TCF4: variants seen among roughly 807,000 people sequenced by gnomAD.
TCF4 encodes the protein SL3-3 enhancer factor 2.
A neutral mutation model predicts 82.1 loss-of-function variants in TCF4; 3 were observed. The observed-to-expected ratio is 0.04, with a 90% CI of 0.02 to 0.09. TCF4 has a LOEUF of 0.09. Ranked by LOEUF, TCF4 falls within the 10% of genes least tolerant of loss-of-function variation. The pLI is 1.00. For missense variants in TCF4, 518 were observed against 852.7 expected (o/e 0.61, Z 4.89); for synonymous variants, 276 against 309.6 (o/e 0.89, Z 1.14).
chr18:55,495,918 G>A (rs981453608), intron 3 of TCF4: 5 of 152,164 alleles, frequency 3.3e-5, no homozygotes, highest in African/African-American at 1.2e-4. Flanking sequence ...ACATGGAGGT[G>A]AGTGGTGAGG....
chr18:55,443,696 C>T (rs1349692645), intron 5 of TCF4, among the ~76,000 whole-genome samples: 3 of 152,154 alleles, frequency 2.0e-5, no homozygotes, highest in Admixed American at 6.5e-5. Context: ...TTCCTTCTTC[C>T]ATTCGTCACA....
chr18:55,292,001 G>A (rs1171816731), intron 8 of TCF4, among the ~76,000 whole-genome samples: 3 of 152,172 alleles, frequency 2.0e-5, no homozygotes, highest in Non-Finnish European at 4.4e-5. Flanking sequence ...TAAAGGAGGT[G>A]AAAGATGAAT....
At chr18:55,330,014 C>T (rs1474652904) in intron 8 of TCF4, among the ~76,000 whole-genome samples, 1 of 152,104 alleles carries the variant, frequency 6.6e-6, no homozygotes. Context: ...CTGAATGCCA[C>T]ATTCTTTATG....
Position 55,229,094 on chromosome 18 carries a change from T to A in TCF4, c.1650-18A>T, listed in dbSNP as rs1555711333. 1.2e-6 allele frequency: 2 copies of A among 1,612,838 alleles called. No individual in the cohort carries two copies. Among genetic ancestry groups the A allele is most frequent in the South Asian group, 2.2e-5 (2 of 91,054 alleles). On this transcript the variant is annotated intron_variant, in intron 17 of 19. Coordinates refer to ENST00000354452, the MANE Select transcript of TCF4 (RefSeq NM_001083962.2). ...CATTATTGCTGTGGGACAAAAGGGA[T>A]GCAACATTTTCTAATGGTGTGGGGA...
At chr18:55,546,745 G>A (rs2147063661) in intron 3 of TCF4, 1 of 152,310 alleles carries the variant, frequency 6.6e-6, no homozygotes, top group African/African-American at 2.4e-5. Flanking sequence ...TAAATTTTCA[G>A]CTTTGAAGGC....
chr18:55,505,760 C>T (rs1259330692), intron 3 of TCF4, among the ~76,000 whole-genome samples: 5 of 148,258 alleles, frequency 3.4e-5, no homozygotes, highest in Admixed American at 6.7e-5. Context: ...GCCGAGATCC[C>T]GCCACTGCAC....
At chr18:55,265,293 C>T (rs1038717431) in intron 11 of TCF4, 8 of 152,104 alleles carry the variant, frequency 5.3e-5, no homozygotes, top group Admixed American at 1.3e-4. Context: ...AAACTGTGTC[C>T]GAGTGACCCT....
intron 11 of TCF4, chr18:55,269,407 G>T: frequency 3.6e-6 from 1 of 274,932 alleles, no homozygotes; most frequent in Non-Finnish European, 7.2e-6. Flanking sequence ...CCAGTCCTCG[G>T]AAGACAGTGG....
At chr18:55,365,662 G>A (rs567876982) in intron 6 of TCF4, among the ~76,000 whole-genome samples, 1 of 152,118 alleles carries the variant, frequency 6.6e-6, no homozygotes, top group Non-Finnish European at 1.5e-5. Context: ...CACTTTGGGA[G>A]GCCAAGGTGA....
chr18:55,279,604 T>C lies in TCF4; in HGVS notation c.602A>G (p.Tyr201Cys). Reference protein sequence around the residue: ...TADYNRDSPGYPSSKPATSTF... With the variant: ...TADYNRDSPGCPSSKPATSTF... Reference sequence around the variant, plus strand: ...GCTGGTTGCTGGTTTGGAGGAAGGATAGCCTGGCGAGTCCCTATTGTAGTC... The same window carrying C: ...GCTGGTTGCTGGTTTGGAGGAAGGACAGCCTGGCGAGTCCCTATTGTAGTC... Residue 201 changes from tyrosine to cysteine, a missense_variant, in exon 9 of 20, where the codon TAT (tyrosine) becomes TGT (cysteine). This residue lies in a region of TCF4 where 211 missense variants were observed against 327.4 expected (regional missense o/e 0.64). Transcript: ENST00000354452. The C allele has an allele frequency of 6.2e-7, 1 of 1,614,028 alleles. No individual in the cohort carries two copies. Among genetic ancestry groups the C allele is most frequent in the Non-Finnish European group, 8.5e-7 (1 of 1,179,914 alleles).
chr18:55,344,423 C>G (rs894953907), intron 8 of TCF4, among the ~76,000 whole-genome samples: 2 of 152,118 alleles, frequency 1.3e-5, no homozygotes, highest in African/African-American at 4.8e-5. Context: ...ATAATTCTCT[C>G]TGGGTAAAGC....
intron 5 of TCF4, among the ~76,000 whole-genome samples, chr18:55,429,173 G>T (rs562914297): frequency 6.6e-6 from 1 of 152,118 alleles, no homozygotes; most frequent in Non-Finnish European, 1.5e-5. Flanking sequence ...GCCTTAGCAG[G>T]GTTGTCTAAA....
intron 11 of TCF4, chr18:55,266,232 T>A (rs2059148371): frequency 6.6e-6 from 1 of 152,210 alleles, no homozygotes. Context: ...ATGGTTAATA[T>A]CCTGCAGACA....
intron 3 of TCF4, among the ~76,000 whole-genome samples, chr18:55,490,742 G>C (rs1183835609): frequency 2.6e-5 from 4 of 152,288 alleles, no homozygotes; most frequent in Non-Finnish European, 4.4e-5. Context: ...GCCAGAGAAA[G>C]GAATACGGAG....
At chr18:55,495,037 A>G (rs888419337) in intron 3 of TCF4, among the ~76,000 whole-genome samples, 4 of 151,982 alleles carry the variant, frequency 2.6e-5, no homozygotes, top group African/African-American at 9.7e-5. Context: ...TCTCTTTTAA[A>G]AGACTATAAA....
intron 3 of TCF4, among the ~76,000 whole-genome samples, chr18:55,511,884 G>A (rs925222804): frequency 6.6e-6 from 1 of 152,134 alleles, no homozygotes; most frequent in African/African-American, 2.4e-5. Context: ...AAACTGATTT[G>A]TGAAATACTA....
chr18:55,282,860 G>T (rs1336164709), intron 8 of TCF4, among the ~76,000 whole-genome samples: 3 of 152,092 alleles, frequency 2.0e-5, no homozygotes, highest in Non-Finnish European at 4.4e-5. Flanking sequence ...AATACGCTTA[G>T]ATCAAGGTGA....
At chr18:55,334,112 T>C (rs1396203808) in intron 8 of TCF4, among the ~76,000 whole-genome samples, 2 of 152,152 alleles carry the variant, frequency 1.3e-5, no homozygotes, top group Non-Finnish European at 2.9e-5. Context: ...GTAACTAGTG[T>C]TATTTGCATT....
intron 3 of TCF4, among the ~76,000 whole-genome samples, chr18:55,508,733 T>C (rs745333313): frequency 6.6e-6 from 1 of 152,142 alleles, no homozygotes; most frequent in Non-Finnish European, 1.5e-5. Context: ...ATACCAGAAA[T>C]CGGCACAGTA....
Sources: gnomAD v4.1 joint callset for allele counts (sites outside exome capture counted in the v4.1 genomes callset) on GRCh38, gnomAD v4.1.1 for gene constraint, gnomAD v4.1.1 regional missense constraint, MANE v1.5 for transcripts, NCBI Gene and HGNC (gene_info 2026-07-23, HGNC 2026-07-21) for gene names.